The following CCDC171 variants were observed in gnomAD, a reference collection of about 807,000 sequenced individuals.
CCDC171 encodes coiled-coil domain containing 171.
A neutral mutation model predicts 168.2 loss-of-function variants in CCDC171; 177 were observed. The observed-to-expected ratio is 1.05, with a 90% confidence interval of 0.93 to 1.19. The LOEUF (loss-of-function observed/expected upper bound fraction) is 1.19. CCDC171 is among the 50% of genes most tolerant of loss of function. The pLI is 0.00. For synonymous variants in CCDC171, 687 were observed against 540.8 expected, an observed-to-expected ratio of 1.27 and a Z score of -3.75; for missense variants, 1,991 against 1,539.0, an observed-to-expected ratio of 1.29 and a Z score of -4.91.
intron 25 of CCDC171, among the ~76,000 whole-genome samples, chr9:15,952,003 AC>A (rs2132485846): frequency 1.3e-5 from 2 of 152,266 alleles, no homozygotes; most frequent in South Asian, 4.1e-4. Context: ...TTTTGGTCTT[AC>A]ATTAGGTCCT....
chr9:16,106,800 C>G, the CCDC171 span, among the ~76,000 whole-genome samples: 1 of 152,060 alleles, frequency 6.6e-6, no homozygotes, highest in Admixed American at 6.5e-5. Context: ...TCCTCTGAGG[C>G]TTTTTGGGAT....
intron 16 of CCDC171, among the ~76,000 whole-genome samples, chr9:15,734,254 G>A (rs567091294): frequency 1.3e-5 from 2 of 152,330 alleles, no homozygotes; most frequent in African/African-American, 2.4e-5. Context: ...ATAAATTGGA[G>A]GCTGAGTGTG....
upstream of CCDC171, among the ~76,000 whole-genome samples, chr9:16,042,604 T>TG (rs113094962): frequency 0.014 from 2,129 of 152,290 alleles, 49 homozygotes; most frequent in African/African-American, 0.047. Context: ...GCTCAGTCTC[T>TG]GGGGCACATT....
At chr9:15,866,548 A>G (rs1338572675) in intron 23 of CCDC171, among the ~76,000 whole-genome samples, 3 of 152,024 alleles carry the variant, frequency 2.0e-5, no homozygotes, top group Non-Finnish European at 1.5e-5. Context: ...TTTATTAAGT[A>G]GGGAGAAAGG....
chr9:15,666,926 C>T (rs1410673861), intron 9 of CCDC171, among the ~76,000 whole-genome samples: 1 of 152,168 alleles, frequency 6.6e-6, no homozygotes, highest in African/African-American at 2.4e-5. Context: ...CATTGTGGCT[C>T]ACTTCATACC....
intron 25 of CCDC171, among the ~76,000 whole-genome samples, chr9:15,956,175 G>C (rs2987076): frequency 0.83 from 126,029 of 152,004 alleles, 52,373 homozygotes; most frequent in East Asian, 0.96. Flanking sequence ...CGAAAGCACT[G>C]CTACTTGGAG....
chr9:16,013,013 T>C (rs933268713), intron 3 of CCDC171, among the ~76,000 whole-genome samples: 1 of 152,142 alleles, frequency 6.6e-6, no homozygotes, highest in Non-Finnish European at 1.5e-5. Context: ...ACACCTTCAC[T>C]TTCACACAGT....
chr9:16,017,888 A>C (rs1417643137), intron 3 of CCDC171, among the ~76,000 whole-genome samples: 2 of 152,184 alleles, frequency 1.3e-5, no homozygotes, highest in East Asian at 3.8e-4. Flanking sequence ...TCACAGAGAG[A>C]ACTGCTCCTG....
the CCDC171 span, among the ~76,000 whole-genome samples, chr9:16,107,597 GTACACATATATACA>G: frequency 2.6e-5 from 4 of 151,872 alleles, no homozygotes; most frequent in Non-Finnish European, 5.9e-5. Context: ...CCATTTGTAC[GTACACATATATACA>G]TACACATATG....
At chr9:15,794,200 C>G (rs1276901572) in intron 21 of CCDC171, among the ~76,000 whole-genome samples, 3 of 152,164 alleles carry the variant, frequency 2.0e-5, no homozygotes, top group Non-Finnish European at 4.4e-5. Context: ...CATAGTGGCT[C>G]ACGTCTGTAA....
At chr9:15,870,692 A>G (rs1253791100) in intron 23 of CCDC171, among the ~76,000 whole-genome samples, 2 of 151,702 alleles carry the variant, frequency 1.3e-5, no homozygotes, top group Non-Finnish European at 3.0e-5. Flanking sequence ...CATAGAGTCC[A>G]GAGGGATTTA....
At chr9:15,789,223 C>G (rs1397441805) in intron 21 of CCDC171, among the ~76,000 whole-genome samples, 1 of 152,082 alleles carries the variant, frequency 6.6e-6, no homozygotes. Context: ...TTTTGGATTT[C>G]AGATTATCAG....
At chr9:16,003,323 A>C (rs1832609061) in intron 3 of CCDC171, among the ~76,000 whole-genome samples, 1 of 152,210 alleles carries the variant, frequency 6.6e-6, no homozygotes, top group Admixed American at 6.5e-5. Context: ...CAAAGATTTT[A>C]TGACTAAGAT....
At chr9:15,858,282 G>A (rs1028388976) in intron 23 of CCDC171, among the ~76,000 whole-genome samples, 1 of 152,022 alleles carries the variant, frequency 6.6e-6, no homozygotes, top group Non-Finnish European at 1.5e-5. Flanking sequence ...GCCTCCCAAA[G>A]TGCTGGGATT....
Position 15,744,497 on chromosome 9 carries a change from G to C in CCDC171, c.2274G>C (p.Gln758His), listed in dbSNP as rs1412076505. The C allele has an allele frequency of 1.9e-6, 3 of 1,614,070 alleles. No individual in the cohort carries two copies. Among genetic ancestry groups the C allele is most frequent in the Non-Finnish European group, 2.5e-6 (3 of 1,180,036 alleles). Residue 758 changes from glutamine (Q) to histidine (H), a missense_variant, in exon 17 of 26, where the codon CAG becomes CAC. Transcript: ENST00000380701. ...CACAGAGAGATTTTCTCCAGGAGCAGGTCAACACCTTTGAGTTGTTCAAAC... is the reference window on the plus strand; with the variant it reads ...CACAGAGAGATTTTCTCCAGGAGCACGTCAACACCTTTGAGTTGTTCAAAC... Reference protein sequence around the residue: ...LSTQRDFLQEQVNTFELFKLE... With the variant: ...LSTQRDFLQEHVNTFELFKLE...
chr9:15,573,162 G>T (rs193109213), intron 3 of CCDC171, among the ~76,000 whole-genome samples: 52 of 152,140 alleles, frequency 3.4e-4, no homozygotes, highest in Admixed American at 1.4e-3. Flanking sequence ...ATGAAAAGAT[G>T]ATTTTTTTCA....
chr9:16,093,750 C>A, the CCDC171 span, among the ~76,000 whole-genome samples: 11 of 152,166 alleles, frequency 7.2e-5, no homozygotes, highest in Non-Finnish European at 1.5e-4. Flanking sequence ...AATGACAGGA[C>A]AAGCATGCCA....
intron 23 of CCDC171, among the ~76,000 whole-genome samples, chr9:15,863,783 T>C (rs188107271): frequency 6.6e-6 from 1 of 152,224 alleles, no homozygotes; most frequent in Non-Finnish European, 1.5e-5. Context: ...ACTTTCTTTT[T>C]TCGTGGCATA....
Position 15,636,266 on chromosome 9 carries a change from C to G in CCDC171, c.822+12853C>G, listed in dbSNP as rs144918911. 6.9e-3 allele frequency among the ~76,000 whole-genome samples: 1,045 copies of G among 152,120 alleles called. 16 individuals carry two copies. Among genetic ancestry groups the G allele is most frequent in the Admixed American group, 0.045 (684 of 15,270 alleles). ...TATGAACTTGGCAAGGATAAACTTC[C>G]TCATACTCTAACCACACATGGGTTA... On this transcript the variant is annotated intron_variant, in intron 7 of 25. Transcript: ENST00000380701.
Sources: gnomAD v4.1 joint callset for allele counts (sites outside exome capture counted in the v4.1 genomes callset) on GRCh38, gnomAD v4.1.1 for gene constraint, MANE v1.5 for transcripts, NCBI Gene and HGNC (gene_info 2026-07-23, HGNC 2026-07-21) for gene names.